The following CCNF variants were observed in gnomAD, a reference collection of about 807,000 sequenced individuals.
CCNF encodes the protein cyclin F.
In CCNF, 30 loss-of-function variants were observed where a neutral mutation model predicts 85.4. The ratio of observed to expected loss-of-function variants is 0.35; its 90% CI spans 0.26 to 0.48. The LOEUF is 0.48. CCNF is among the 20% of genes least tolerant of loss of function. The pLI is 0.99. For synonymous variants in CCNF, 439 were observed against 425.1 expected (o/e 1.03, Z -0.40); for missense variants, 919 against 1,010.4 (o/e 0.91, Z 1.23).
intron 5 of CCNF, chr16:2,437,645 T>C: frequency 3.0e-6 from 1 of 335,460 alleles, no homozygotes; most frequent in African/African-American, 2.1e-5. Context: ...TCCTAGCACT[T>C]TGGGAGGCCG....
Position 2,439,327 on chromosome 16 carries a change from A to G in CCNF, c.595-26A>G, listed in dbSNP as rs116176597. 1.9e-3 allele frequency: 2,859 copies of G among 1,533,794 alleles called. 43 individuals carry two copies. The African/African-American group carries it at 0.035, about 19-fold the overall frequency. On this transcript the variant is annotated intron_variant, in intron 6 of 16. Coordinates refer to ENST00000397066, the MANE Select transcript of CCNF (RefSeq NM_001761.3). Reference sequence around the variant, plus strand: ...AAAAATGAAAAAGAATAAGGGAACAATGAACTCTGCTGGGATTTATTCTAG... The same window carrying G: ...AAAAATGAAAAAGAATAAGGGAACAGTGAACTCTGCTGGGATTTATTCTAG...
chr16:2,433,156 G>C (rs2065271178), intron 3 of CCNF, 89 bp downstream of exon 3: 1 of 778,342 alleles, frequency 1.3e-6, no homozygotes, highest in Non-Finnish European at 2.2e-6. Flanking sequence ...ATTCAGCAAC[G>C]ATTTTCCTGT....
rs2065442097 is a variant in CCNF, at chr16:2,458,271, T to G, written c.*1251T>G. ...CCAGATGCTTTTTTTTTTTTTTTTT[T>G]GGAGACAGTTTTGCTCTTGTCTCCC... On this transcript the variant is annotated 3_prime_UTR_variant, in exon 17 of 17. Coordinates refer to ENST00000397066, the MANE Select transcript of CCNF (RefSeq NM_001761.3). 1 of 150,980 alleles carries G rather than the reference T, an allele frequency of 6.6e-6. No homozygotes were observed. The highest frequency in any genetic ancestry group is 1.5e-5 in the Non-Finnish European group (1 of 67,752). 9.4% of individuals were successfully genotyped at this position (150,980 alleles called of 1,614,324 possible). A position where few individuals can be genotyped will look rare whatever the true frequency, so the allele number is the denominator to read the frequency against.
At chr16:2,454,771 C>T (rs2065415894) in intron 15 of CCNF, among the ~76,000 whole-genome samples, 1 of 152,146 alleles carries the variant, frequency 6.6e-6, no homozygotes, top group South Asian at 2.1e-4. Context: ...TTAATCAACA[C>T]CAGAGGGGCC....
chr16:2,436,959 G>A (rs2065294180), intron 4 of CCNF, 170 bp from the exon 5 acceptor site: 1 of 515,504 alleles, frequency 1.9e-6, no homozygotes, highest in Non-Finnish European at 3.4e-6. Flanking sequence ...AATGAAGTAG[G>A]GGGAGAAAAG....
chr16:2,450,298 A>G (rs1008218014), intron 13 of CCNF, among the ~76,000 whole-genome samples: 1 of 149,008 alleles, frequency 6.7e-6, no homozygotes, highest in Non-Finnish European at 1.5e-5. Flanking sequence ...CAGGAGTTCA[A>G]GACCAACCTG....
intron 6 of CCNF, among the ~76,000 whole-genome samples, chr16:2,438,394 G>A (rs1015373813): frequency 6.6e-5 from 10 of 152,192 alleles, no homozygotes; most frequent in African/African-American, 2.4e-4. Flanking sequence ...ATGCTCACTC[G>A]TCTGCTGGCC....
At chr16:2,442,261 C>A (rs1402636419) in intron 8 of CCNF, among the ~76,000 whole-genome samples, 1 of 141,514 alleles carries the variant, frequency 7.1e-6, no homozygotes, top group Non-Finnish European at 1.5e-5. Flanking sequence ...CCCGCCTCGG[C>A]CTCCTAAAGT....
chr16:2,431,920 T>G (rs1230109931), intron 2 of CCNF, among the ~76,000 whole-genome samples: 2 of 150,652 alleles, frequency 1.3e-5, no homozygotes, highest in Non-Finnish European at 2.9e-5. Flanking sequence ...AAGTTCCGCC[T>G]CCCAGGTTCA....
intron 10 of CCNF, among the ~76,000 whole-genome samples, chr16:2,447,623 C>T (rs935464264): frequency 3.3e-5 from 5 of 151,884 alleles, no homozygotes; most frequent in Non-Finnish European, 1.5e-5. Flanking sequence ...TGGTAGTGGG[C>T]GCCTGTAGTC....
intron 2 of CCNF, 132 bp from the exon 3 acceptor site, chr16:2,432,829 G>C (rs2065269456): frequency 3.5e-6 from 2 of 565,434 alleles, no homozygotes; most frequent in East Asian, 5.8e-5. Context: ...ACAGAGATTG[G>C]GGACCTCAAC....
intron 4 of CCNF, 44 bp from the exon 5 acceptor site, chr16:2,437,084 GT>G: frequency 2.1e-6 from 3 of 1,445,496 alleles, no homozygotes; most frequent in Non-Finnish European, 2.8e-6. Flanking sequence ...TCCACATTCC[GT>G]CCCTAAGAGA....
Position 2,429,451 on chromosome 16 carries a change from G to T in CCNF, c.-31G>T, listed in dbSNP as rs1429251607. 11 of 1,218,600 alleles carry T rather than the reference G, an allele frequency of 9.0e-6. No individual in the cohort carries two copies. The highest frequency in any genetic ancestry group is 3.3e-5 in the East Asian group (1 of 30,372). The allele number at this position is 1,218,600 out of a possible 1,614,324, so 75.5% of individuals were successfully genotyped here. A position where few individuals can be genotyped will look rare whatever the true frequency, so the allele number is the denominator to read the frequency against. On this transcript the variant is annotated 5_prime_UTR_variant, in exon 1 of 17. Coordinates refer to ENST00000397066, the MANE Select transcript of CCNF (RefSeq NM_001761.3). ...CCGGGGCGCGGGCGCGCTCTCAGGC[G>T]GGCTCCGGCGGCAGCGACGCGAGCG...
chr16:2,429,581 G>T, intron 1 of CCNF, 84 bp downstream of exon 1: 1 of 1,180,438 alleles, frequency 8.5e-7, no homozygotes, highest in Non-Finnish European at 1.1e-6. Flanking sequence ...CCCGCGGGAG[G>T]GGAGGCCCTG....
intron 15 of CCNF, among the ~76,000 whole-genome samples, chr16:2,455,076 A>C (rs1057344046): frequency 1.3e-5 from 2 of 151,672 alleles, no homozygotes; most frequent in East Asian, 1.9e-4. Context: ...AAAAAAAAAA[A>C]AAAAAACACT....
chr16:2,444,968 C>CTGTA (rs2065353412), intron 9 of CCNF, among the ~76,000 whole-genome samples: 1 of 65,162 alleles, frequency 1.5e-5, no homozygotes, highest in Non-Finnish European at 2.6e-5. Flanking sequence ...TCTCGGCTTG[C>CTGTA]TGTAACCTCT....
At chr16:2,437,898 C>G in intron 5 of CCNF, 172 bp from the exon 6 acceptor site, 1 of 509,252 alleles carries the variant, frequency 2.0e-6, no homozygotes, top group East Asian at 3.2e-5. Context: ...GACCCTGTTT[C>G]CCTTTAAAAA....
At chr16:2,441,782 G>A (rs1478899055) in intron 8 of CCNF, among the ~76,000 whole-genome samples, 1 of 150,802 alleles carries the variant, frequency 6.6e-6, no homozygotes, top group Non-Finnish European at 1.5e-5. Flanking sequence ...CTCCCAAAGT[G>A]TTGGGATTAC....
chr16:2,453,653 G>T lies in CCNF; in HGVS notation c.1715+116G>T, dbSNP rs1389503408. On this transcript the variant is annotated intron_variant, in intron 15 of 16. Transcript: ENST00000397066. The surrounding 1 kb of genome is among the most constrained non-coding windows in gnomAD (Gnocchi z 5.6). ...CCCAAGGCTTGTCAGGGGAGCAGCAGATCCCAGGACAGTGACCCTGGGACG... is the reference window on the plus strand; with the variant it reads ...CCCAAGGCTTGTCAGGGGAGCAGCATATCCCAGGACAGTGACCCTGGGACG... 2 of 1,374,602 alleles carry T rather than the reference G, an allele frequency of 1.5e-6. No individual in the cohort carries two copies. The highest frequency in any genetic ancestry group is 2.3e-5 in the East Asian group (1 of 43,348). The allele number at this position is 1,374,602 out of a possible 1,614,324, so 85.2% of individuals were successfully genotyped here. A position where few individuals can be genotyped will look rare whatever the true frequency, so the allele number is the denominator to read the frequency against.
Sources: gnomAD v4.1 joint callset for allele counts (sites outside exome capture counted in the v4.1 genomes callset) on GRCh38, gnomAD v4.1.1 for gene constraint, Gnocchi (gnomAD v3.1) non-coding constraint, MANE v1.5 for transcripts, NCBI Gene and HGNC (gene_info 2026-07-23, HGNC 2026-07-21) for gene names.